The following HACL1 variants were observed in gnomAD, a reference collection of about 807,000 sequenced individuals.
The protein encoded by HACL1 is 1600020H07Rik.
HACL1 carries 64 observed loss-of-function variants against 74.2 expected under a neutral mutation model. The observed-to-expected ratio is 0.86, with a 90% CI of 0.70 to 1.06. The LOEUF is 1.06. Among genes scored for constraint, HACL1 ranks in the 50% least tolerant of loss-of-function variants. The pLI is 0.00. For synonymous variants in HACL1, 230 were observed against 238.8 expected (o/e 0.96, Z 0.34); for missense variants, 728 against 719.7 (o/e 1.01, Z -0.13).
At position 15,586,487 on chromosome 3, in the gene HACL1, A is replaced by G. The variant is rs771571267; in HGVS notation, c.459+38T>C. The G allele has an allele frequency of 3.7e-6, 4 of 1,093,312 alleles. 1 individual carries two copies. The South Asian group carries it at 5.3e-5, about 14-fold the overall frequency. 67.7% of individuals were successfully genotyped at this position (1,093,312 alleles called of 1,614,324 possible). On this transcript the variant is annotated intron_variant, in intron 6 of 16. Coordinates refer to ENST00000321169, the MANE Select transcript of HACL1 (RefSeq NM_012260.4). ...CAGTAAGTATGAGCAACTGAGAAAA[A>G]TCAGTTGACTTGGAGAGCTTGTTAT...
At chr3:15,589,112 C>G (rs1168337005) in intron 5 of HACL1, among the ~76,000 whole-genome samples, 1 of 152,150 alleles carries the variant, frequency 6.6e-6, no homozygotes, top group Non-Finnish European at 1.5e-5. Flanking sequence ...TCAGGTACTT[C>G]TAATTTATTT....
At chr3:15,577,409 A>G (rs140128886) in intron 9 of HACL1, among the ~76,000 whole-genome samples, 13 of 152,226 alleles carry the variant, frequency 8.5e-5, no homozygotes, top group Admixed American at 6.5e-4. Flanking sequence ...AATAAACTAC[A>G]GAAAGGGAAG....
Position 15,563,505 on chromosome 3 carries a change from C to T in HACL1, c.1557G>A (p.Glu519=), listed in dbSNP as rs1245194130. The part of the protein sequence containing the change: ...PMCLLPNSHY[E]QVMTAFGGKG... ...TGCCTCCAAATGCAGTCATGACTTGCTCATAATGTGAATTTGGCAGCAAAC... is the reference window on the plus strand; with the variant it reads ...TGCCTCCAAATGCAGTCATGACTTGTTCATAATGTGAATTTGGCAGCAAAC... Residue 519 remains glutamate (E), a synonymous_variant, in exon 16 of 17, where the codon GAG becomes GAA. Coordinates refer to ENST00000321169, the MANE Select transcript of HACL1 (RefSeq NM_012260.4). The T allele has an allele frequency of 6.2e-7, 1 of 1,612,260 alleles. No individual in the cohort carries two copies. Among genetic ancestry groups the T allele is most frequent in the Non-Finnish European group, 8.5e-7 (1 of 1,178,528 alleles).
In HACL1 at chr3:15,563,675, G is replaced by A; in HGVS notation, c.1518-131C>T. ...GCATACTTTTATCTTCAACACTTAA[G>A]CTGAGATGCCAGTACACTGAGTTTT... is the stretch of plus-strand genomic sequence containing the variant. On this transcript the variant is annotated intron_variant, in intron 15 of 16. Transcript: ENST00000321169. 3 of 612,912 alleles carry A rather than the reference G, an allele frequency of 4.9e-6. No individual in the cohort carries two copies. The South Asian group carries it at 6.2e-5, about 13-fold the overall frequency. 38.0% of individuals were successfully genotyped at this position (612,912 alleles called of 1,614,324 possible).
Position 15,568,533 on chromosome 3 carries a change from A to G in HACL1, c.1149T>C (p.His383=), listed in dbSNP as rs144932943. ...LPMNYYTVFY[H]VQEQLPRDCF... is the part of the protein sequence containing the mutation. ...AGTCTCTAGGTAGTTGTTCTTGAAC[A>G]TGGTAGAATACTGTGTAATAATTCA... The change falls in exon 13 of 17, where the codon CAT becomes CAC. Residue 383 remains histidine, a synonymous_variant. Coordinates refer to ENST00000321169, the MANE Select transcript of HACL1 (RefSeq NM_012260.4). 1,599 of 1,589,228 alleles carry G rather than the reference A, an allele frequency of 1.0e-3. 15 individuals are homozygous for G. In the East Asian group the frequency reaches 0.023, roughly 23 times the overall value.
At chr3:15,578,110 A>C (rs1238010941) in intron 9 of HACL1, among the ~76,000 whole-genome samples, 1 of 151,372 alleles carries the variant, frequency 6.6e-6, no homozygotes, top group African/African-American at 2.4e-5. Flanking sequence ...AAAAAAAAAA[A>C]AAAAAAAACC....
intron 6 of HACL1, among the ~76,000 whole-genome samples, chr3:15,586,270 T>C (rs1025596231): frequency 1.3e-5 from 2 of 152,202 alleles, no homozygotes; most frequent in African/African-American, 2.4e-5. Flanking sequence ...TCTTTACTTT[T>C]GTATAATTAA....
intron 8 of HACL1, among the ~76,000 whole-genome samples, chr3:15,581,714 C>T (rs113335142): frequency 1.5e-3 from 233 of 152,266 alleles, no homozygotes; most frequent in African/African-American, 5.4e-3. Flanking sequence ...GAAAACCCAC[C>T]TCAACCTCTC....
At chr3:15,590,417 G>T (rs2063870459) in intron 4 of HACL1, among the ~76,000 whole-genome samples, 2 of 151,762 alleles carry the variant, frequency 1.3e-5, no homozygotes, top group South Asian at 4.2e-4. Context: ...AGATCAAAAG[G>T]AAAGTAAAGA....
chr3:15,600,086 A>G (rs1252840901), intron 2 of HACL1, among the ~76,000 whole-genome samples: 2 of 151,092 alleles, frequency 1.3e-5, no homozygotes, highest in Non-Finnish European at 2.9e-5. Context: ...ATGTCATTCA[A>G]TAAAGAATGT....
chr3:15,574,381 G>A (rs926242386), intron 10 of HACL1, among the ~76,000 whole-genome samples: 2 of 152,010 alleles, frequency 1.3e-5, no homozygotes, highest in Non-Finnish European at 2.9e-5. Flanking sequence ...AAACAACCAA[G>A]CAAAAACATC....
chr3:15,601,473 A>G lies in HACL1; in HGVS notation c.-10T>C, dbSNP rs763912304. On this transcript the variant is annotated 5_prime_UTR_variant, in exon 1 of 17. Coordinates refer to ENST00000321169, the MANE Select transcript of HACL1 (RefSeq NM_012260.4). The stretch of plus-strand genomic sequence containing the variant: ...AGTTACTGTCCGGCATCTTCCACCG[A>G]AAAGCTCTAAGCACTCACGCAGCCG... 6.2e-7 allele frequency: 1 copy of G among 1,612,386 alleles called. No individual in the cohort carries two copies. Among genetic ancestry groups the G allele is most frequent in the South Asian group, 1.1e-5 (1 of 91,076 alleles).
intron 4 of HACL1, among the ~76,000 whole-genome samples, chr3:15,590,896 C>A (rs2063879827): frequency 1.3e-5 from 2 of 152,284 alleles, no homozygotes; most frequent in South Asian, 4.2e-4. Context: ...GCCTGGCCAG[C>A]ATGGTGAAAC....
intron 3 of HACL1, among the ~76,000 whole-genome samples, chr3:15,593,065 CAA>C (rs200981409): frequency 6.9e-6 from 1 of 144,316 alleles, no homozygotes; most frequent in Non-Finnish European, 1.5e-5. Context: ...GATGCTATCT[CAA>C]AAAAAGTGTA....
At chr3:15,594,655 G>T (rs555946659) in intron 3 of HACL1, among the ~76,000 whole-genome samples, 2 of 152,034 alleles carry the variant, frequency 1.3e-5, no homozygotes, top group African/African-American at 4.8e-5. Flanking sequence ...AGTATGATAC[G>T]GTAGCCACTA....
At chr3:15,583,076 A>C in intron 7 of HACL1, 87 bp from the exon 8 acceptor site, 1 of 654,204 alleles carries the variant, frequency 1.5e-6, no homozygotes. Context: ...AGGTAGAAAA[A>C]ATAGTACAAT....
chr3:15,561,000 G>T, intron 16 of HACL1, 103 bp from the exon 17 acceptor site: 1 of 883,754 alleles, frequency 1.1e-6, no homozygotes, highest in Non-Finnish European at 1.8e-6. Context: ...CTACACAATG[G>T]TGGCAAAATG....
chr3:15,585,454 C>A, intron 6 of HACL1, 112 bp from the exon 7 acceptor site: 1 of 652,956 alleles, frequency 1.5e-6, no homozygotes, highest in South Asian at 1.9e-5. Context: ...TCTGGACATC[C>A]TTGTGGAGAA....
At chr3:15,568,816 A>T (rs1339590330) in intron 12 of HACL1, among the ~76,000 whole-genome samples, 1 of 152,214 alleles carries the variant, frequency 6.6e-6, no homozygotes, top group African/African-American at 2.4e-5. Flanking sequence ...GCTCGGGAAT[A>T]TCCCGCCTCT....
Sources: gnomAD v4.1 joint callset for allele counts (sites outside exome capture counted in the v4.1 genomes callset) on GRCh38, gnomAD v4.1.1 for gene constraint, MANE v1.5 for transcripts, NCBI Gene and HGNC (gene_info 2026-07-23, HGNC 2026-07-21) for gene names.